LYPLAL1: variants seen among roughly 807,000 people sequenced by gnomAD.
LYPLAL1 encodes the protein lysophospholipase-like protein 1.
In LYPLAL1, 23 loss-of-function variants were observed where a neutral mutation model predicts 19.7. The observed-to-expected ratio is 1.17, with a 90% CI of 0.84 to 1.65. The LOEUF (loss-of-function observed/expected upper bound fraction) is 1.65, where lower values mean the gene tolerates loss of function less well. LYPLAL1 is among the 40% of genes most tolerant of loss of function. The pLI is 0.00. For synonymous variants in LYPLAL1, 119 were observed against 96.3 expected (o/e 1.24, Z -1.38); for missense variants, 355 against 279.4 (o/e 1.27, Z -1.93).
chr1:219,207,842 T>C (rs563275763), intron 3 of LYPLAL1, among the ~76,000 whole-genome samples: 3 of 152,226 alleles, frequency 2.0e-5, no homozygotes, highest in South Asian at 4.1e-4. Context: ...TATGACTTGT[T>C]ATGATTCCTT....
the LYPLAL1 span, among the ~76,000 whole-genome samples, chr1:219,253,029 C>T: frequency 1.3e-5 from 2 of 151,954 alleles, no homozygotes; most frequent in African/African-American, 2.4e-5. Flanking sequence ...ATGTATGTGA[C>T]CATGATTTTA....
At chr1:219,399,764 C>T in the LYPLAL1 span, among the ~76,000 whole-genome samples, 9 of 152,092 alleles carry the variant, frequency 5.9e-5, no homozygotes, top group Admixed American at 1.3e-4. Context: ...GTGCTCAGGT[C>T]GGTCAGACCA....
chr1:219,240,706 C>T, the LYPLAL1 span, among the ~76,000 whole-genome samples: 3 of 151,984 alleles, frequency 2.0e-5, no homozygotes, highest in Non-Finnish European at 4.4e-5. Context: ...TCAAGTAGTT[C>T]AAGTAATATT....
At chr1:219,220,153 T>A in the LYPLAL1 span, among the ~76,000 whole-genome samples, 7 of 152,090 alleles carry the variant, frequency 4.6e-5, no homozygotes, top group Non-Finnish European at 1.0e-4. Context: ...AAGGACTAGA[T>A]ACAAAAGGGA....
the LYPLAL1 span, among the ~76,000 whole-genome samples, chr1:219,308,544 G>A: frequency 6.6e-6 from 1 of 152,212 alleles, no homozygotes; most frequent in Non-Finnish European, 1.5e-5. Context: ...CCCCCATGCT[G>A]TGTGCAGTCT....
chr1:219,287,750 G>T, the LYPLAL1 span, among the ~76,000 whole-genome samples: 1 of 152,204 alleles, frequency 6.6e-6, no homozygotes, highest in Non-Finnish European at 1.5e-5. Context: ...CAAATCTCGT[G>T]TCGAACTGTC....
the LYPLAL1 span, among the ~76,000 whole-genome samples, chr1:219,232,398 G>A: frequency 6.6e-6 from 1 of 151,950 alleles, no homozygotes; most frequent in Admixed American, 6.6e-5. Flanking sequence ...AAATTAGCTC[G>A]GAATGGATCA....
the LYPLAL1 span, among the ~76,000 whole-genome samples, chr1:219,308,528 C>T: frequency 1.3e-3 from 194 of 152,266 alleles, 1 homozygote; most frequent in Admixed American, 2.2e-3. Context: ...TTGGCAGGGC[C>T]GAGGGCCCCC....
At chr1:219,314,941 TC>T in the LYPLAL1 span, among the ~76,000 whole-genome samples, 1 of 130,562 alleles carries the variant, frequency 7.7e-6, no homozygotes, top group Non-Finnish European at 1.6e-5. Context: ...AAAAGAAGCA[TC>T]TGAATAATAG....
the LYPLAL1 span, among the ~76,000 whole-genome samples, chr1:219,228,815 G>A: frequency 4.0e-5 from 6 of 151,824 alleles, no homozygotes; most frequent in African/African-American, 1.4e-4. Context: ...GAGGAGCTGG[G>A]ATTACAGGCA....
chr1:219,258,698 T>C, the LYPLAL1 span, among the ~76,000 whole-genome samples: 1 of 152,006 alleles, frequency 6.6e-6, no homozygotes, highest in South Asian at 2.1e-4. Flanking sequence ...ATCTTTACTA[T>C]ATTACTTCTT....
chr1:219,175,290 A>G (rs1655722043), intron 1 of LYPLAL1, among the ~76,000 whole-genome samples: 1 of 152,104 alleles, frequency 6.6e-6, no homozygotes, highest in African/African-American at 2.4e-5. Flanking sequence ...AGGGAAGAAG[A>G]GGTCCAATAG....
chr1:219,422,173 A>G, the LYPLAL1 span, among the ~76,000 whole-genome samples: 1 of 152,246 alleles, frequency 6.6e-6, no homozygotes, highest in Non-Finnish European at 1.5e-5. Flanking sequence ...GGCAATTAGT[A>G]AATTGTTAAG....
downstream of LYPLAL1, among the ~76,000 whole-genome samples, chr1:219,215,656 C>G (rs1558251463): frequency 2.0e-5 from 3 of 152,090 alleles, no homozygotes; most frequent in South Asian, 6.2e-4. Flanking sequence ...TACTCAGACT[C>G]ATAACTGTGT....
At chr1:219,302,528 A>G in the LYPLAL1 span, among the ~76,000 whole-genome samples, 1 of 152,152 alleles carries the variant, frequency 6.6e-6, no homozygotes, top group East Asian at 1.9e-4. Context: ...CTTCATCACT[A>G]CAGAGAGGTT....
the LYPLAL1 span, among the ~76,000 whole-genome samples, chr1:219,431,387 G>A: frequency 1.3e-5 from 2 of 152,228 alleles, no homozygotes; most frequent in Admixed American, 6.5e-5. Flanking sequence ...CAATTAGAGA[G>A]TTACTTGAAA....
intron 3 of LYPLAL1, among the ~76,000 whole-genome samples, chr1:219,207,017 C>G (rs1051773056): frequency 1.3e-5 from 2 of 151,892 alleles, no homozygotes; most frequent in Non-Finnish European, 2.9e-5. Flanking sequence ...CTTAGATGGT[C>G]TAGAACTATG....
chr1:219,210,612 T>C lies in LYPLAL1; in HGVS notation c.442T>C (p.Ser148Pro). 1.2e-6 allele frequency: 2 copies of C among 1,610,088 alleles called. No individual in the cohort carries two copies. The highest frequency in any genetic ancestry group is 1.7e-6 in the Non-Finnish European group (2 of 1,177,694). The change falls in exon 4 of 5, where the codon TCT becomes CCT. Residue 148 changes from serine to proline, a missense_variant. Physicochemically the swap from Ser to Pro is moderately conservative, Grantham distance 74. Coordinates refer to ENST00000366928, the MANE Select transcript of LYPLAL1 (RefSeq NM_138794.5). ...HQDVAGVFAL[S>P]SFLNKASAVY... ...AGATGTGGCAGGAGTATTTGCTCTT[T>C]CTAGTTTTCTGAATAAAGCATCTGC...
the LYPLAL1 span, among the ~76,000 whole-genome samples, chr1:219,441,589 T>C: frequency 1.3e-5 from 2 of 152,238 alleles, no homozygotes; most frequent in Admixed American, 1.3e-4. Context: ...AATAGAGTAT[T>C]AGAAGGGCCA....
Sources: gnomAD v4.1 joint callset for allele counts (sites outside exome capture counted in the v4.1 genomes callset) on GRCh38, gnomAD v4.1.1 for gene constraint, MANE v1.5 for transcripts, NCBI Gene and HGNC (gene_info 2026-07-23, HGNC 2026-07-21) for gene names.